The following TMEM116 variants were observed in gnomAD, a reference collection of about 807,000 sequenced individuals.
TMEM116 encodes the protein transmembrane protein 116.
Under a neutral mutation model 44.3 loss-of-function variants are expected in TMEM116, and 38 were observed. That is an observed-to-expected ratio of 0.86 (90% CI 0.66 to 1.12). TMEM116 has a LOEUF of 1.12. TMEM116 is among the 50% of genes most tolerant of loss of function. The pLI is 0.00. For missense variants in TMEM116, 354 were observed against 401.7 expected (o/e 0.88, Z 1.01); for synonymous variants, 132 against 144.8 (o/e 0.91, Z 0.64).
At chr12:111,999,896 A>G (rs1046410033) in intron 3 of TMEM116, among the ~76,000 whole-genome samples, 4 of 152,186 alleles carry the variant, frequency 2.6e-5, no homozygotes, top group Non-Finnish European at 5.9e-5. Context: ...GCTTCACAAC[A>G]GTCTTCTTGT....
chr12:111,947,814 T>C (rs532681061), intron 4 of TMEM116, among the ~76,000 whole-genome samples: 2 of 152,230 alleles, frequency 1.3e-5, no homozygotes, highest in African/African-American at 2.4e-5. Flanking sequence ...AAAACTCCAA[T>C]GCAAAAATTA....
rs61637468 is a variant in TMEM116 at position 111,958,277 on chromosome 12, T to TA, written c.211-14909dup. Among the ~76,000 whole-genome samples the TA allele has an allele frequency of 7.3e-3, 202 of 27,508 alleles. 10 individuals carry two copies. Among genetic ancestry groups the TA allele is most frequent in the Non-Finnish European group, 0.013 (144 of 11,050 alleles). 18.0% of individuals were successfully genotyped at this position (27,508 alleles called of 152,430 possible). On this transcript the variant is annotated intron_variant, in intron 4 of 10. Transcript: ENST00000552374. The stretch of plus-strand genomic sequence containing the variant: ...ACACCCACGAATGATCAATAAATAC[T>TA]AAAAAAAAAAAAAAAAAAAAAAAAA...
intron 1 of TMEM116, among the ~76,000 whole-genome samples, chr12:112,006,758 A>G (rs951772985): frequency 3.0e-4 from 46 of 152,262 alleles, no homozygotes; most frequent in Admixed American, 3.3e-4. Context: ...AAATTTGGAC[A>G]GACTGGAGGA....
chr12:111,936,918 TATC>T, intron 7 of TMEM116, 88 bp from the exon 8 acceptor site: 1 of 1,420,888 alleles, frequency 7.0e-7, no homozygotes, highest in Non-Finnish European at 9.5e-7. Flanking sequence ...TTATTTTACT[TATC>T]ATTTTGCTAA....
chr12:111,991,235 A>C (rs887693995), intron 4 of TMEM116, among the ~76,000 whole-genome samples: 1 of 148,300 alleles, frequency 6.7e-6, no homozygotes, highest in South Asian at 2.1e-4. Context: ...AAAAAAAAAA[A>C]AAAACGGCTG....
At chr12:111,939,500 T>C (rs1026959220) in intron 5 of TMEM116, among the ~76,000 whole-genome samples, 1 of 149,262 alleles carries the variant, frequency 6.7e-6, no homozygotes, top group Non-Finnish European at 1.5e-5. Flanking sequence ...TGCTAGAGTA[T>C]TTCAAAGAGA....
chr12:111,958,825 C>A (rs1411017101), intron 4 of TMEM116, among the ~76,000 whole-genome samples: 1 of 152,070 alleles, frequency 6.6e-6, no homozygotes, highest in Non-Finnish European at 1.5e-5. Flanking sequence ...ATGAACAAAG[C>A]CTCCAAGAAA....
chr12:111,965,145 C>T (rs1424688306), intron 4 of TMEM116, among the ~76,000 whole-genome samples: 1 of 152,138 alleles, frequency 6.6e-6, no homozygotes, highest in Non-Finnish European at 1.5e-5. Context: ...ACCTCTTCAT[C>T]GGCTTGTATA....
intron 1 of TMEM116, chr12:112,010,681 T>C (rs7135514): frequency 0.91 from 138,360 of 152,430 alleles, 63,067 homozygotes; most frequent in East Asian, 1. Context: ...TAGGTCCTTT[T>C]TGCAACTGGC....
At chr12:112,010,837 A>C (rs1267486480) in intron 1 of TMEM116, 2 of 152,088 alleles carry the variant, frequency 1.3e-5, no homozygotes, top group African/African-American at 4.8e-5. Context: ...CGAGGGGAGG[A>C]AGTACATGCC....
intron 4 of TMEM116, among the ~76,000 whole-genome samples, chr12:111,979,340 T>C (rs931951351): frequency 1.3e-5 from 2 of 152,098 alleles, no homozygotes; most frequent in African/African-American, 4.8e-5. Context: ...TCCTACAATG[T>C]GGATGAAACT....
At chr12:111,979,684 A>G (rs2075844138) in intron 4 of TMEM116, among the ~76,000 whole-genome samples, 1 of 152,248 alleles carries the variant, frequency 6.6e-6, no homozygotes, top group Non-Finnish European at 1.5e-5. Context: ...ATGAAGAGAC[A>G]AGCCACAGAC....
chr12:111,952,614 G>A (rs1196058388), intron 4 of TMEM116, among the ~76,000 whole-genome samples: 1 of 152,116 alleles, frequency 6.6e-6, no homozygotes, highest in Non-Finnish European at 1.5e-5. Context: ...CTTAATCTGG[G>A]TGGGCACAAT....
intron 4 of TMEM116, chr12:111,965,713 C>G: frequency 2.5e-6 from 1 of 402,486 alleles, no homozygotes; most frequent in Non-Finnish European, 4.9e-6. Flanking sequence ...CACTTGAGGT[C>G]AGGCATTCAG....
At chr12:111,978,232 T>C (rs1330152103) in intron 4 of TMEM116, among the ~76,000 whole-genome samples, 1 of 151,814 alleles carries the variant, frequency 6.6e-6, no homozygotes, top group Non-Finnish European at 1.5e-5. Context: ...AAACCCTGTC[T>C]CTACTAAAAA....
chr12:112,005,177 C>A, intron 2 of TMEM116, 80 bp downstream of exon 2: 1 of 990,882 alleles, frequency 1.0e-6, no homozygotes, highest in Non-Finnish European at 1.4e-6. Context: ...AGCAAATCCC[C>A]AAGGGGGAAA....
intron 4 of TMEM116, among the ~76,000 whole-genome samples, chr12:111,952,242 CA>C (rs920572840): frequency 2.0e-5 from 3 of 151,564 alleles, no homozygotes; most frequent in African/African-American, 7.3e-5. Context: ...CAAAACAAAA[CA>C]AAAAAAACAC....
rs769175625 is a variant in TMEM116 at position 111,933,965 on chromosome 12, A to G, written c.654T>C (p.Ser218=). The G allele has an allele frequency of 1.9e-6, 3 of 1,613,788 alleles. No individual in the cohort carries two copies. The highest frequency in any genetic ancestry group is 2.5e-6 in the Non-Finnish European group (3 of 1,180,000). The change falls in exon 9 of 11, where the codon AGT becomes AGC. Residue 218 remains serine, a synonymous_variant. Coordinates refer to ENST00000552374, the MANE Select transcript of TMEM116 (RefSeq NM_001193531.2). ...CAATGTGAATCACTGCCCACTGTTCACTCCCCAGAAAGCCAGTTGACTTCA... is the reference window on the plus strand; with the variant it reads ...CAATGTGAATCACTGCCCACTGTTCGCTCCCCAGAAAGCCAGTTGACTTCA... ...KFVKSTGFLG[S]EQWAVIHIVD...
chr12:111,956,537 C>G (rs1050506155), intron 4 of TMEM116, among the ~76,000 whole-genome samples: 1 of 152,202 alleles, frequency 6.6e-6, no homozygotes, highest in Non-Finnish European at 1.5e-5. Flanking sequence ...CTCGTCTCCC[C>G]TTTGCACGGT....
Sources: gnomAD v4.1 joint callset for allele counts (sites outside exome capture counted in the v4.1 genomes callset) on GRCh38, gnomAD v4.1.1 for gene constraint, MANE v1.5 for transcripts, NCBI Gene and HGNC (gene_info 2026-07-23, HGNC 2026-07-21) for gene names.